Variants in ADAMTS20 observed in about 807,000 individuals in gnomAD.
ADAMTS20 encodes the protein ADAM metallopeptidase with thrombospondin type 1 motif 20, also known as A disintegrin and metalloproteinase with thrombospondin motifs 20.
Under a neutral mutation model 260.1 loss-of-function variants are expected in ADAMTS20, and 225 were observed. The observed-to-expected ratio is 0.87, with a 90% confidence interval of 0.78 to 0.97. The LOEUF (loss-of-function observed/expected upper bound fraction) is 0.97, where lower values mean the gene tolerates loss of function less well. ADAMTS20 is among the 50% of genes least tolerant of loss of function. The pLI, the probability that ADAMTS20 is intolerant of heterozygous loss-of-function variation, is 0.00. For missense variants in ADAMTS20, 2,400 were observed against 2,337.7 expected, an observed-to-expected ratio of 1.03 and a Z score of -0.55; for synonymous variants, 802 against 769.5, an observed-to-expected ratio of 1.04 and a Z score of -0.70.
In ADAMTS20 at chr12:43,432,756, T is replaced by C; in HGVS notation, c.2776A>G (p.Thr926Ala). 1 of 1,613,954 alleles carries C rather than the reference T, an allele frequency of 6.2e-7. No homozygotes were observed. The highest frequency in any genetic ancestry group is 8.5e-7 in the Non-Finnish European group (1 of 1,179,868). ...TACTTCATGCAATGGATGTCCAAGG[T>C]TCTATATCCTTGACCACATTGGGAT... Reference protein sequence around the residue: ...CSSQCGQGYRTLDIHCMKYSI... With the variant: ...CSSQCGQGYRALDIHCMKYSI... The change falls in exon 20 of 39, where the codon ACC (threonine) becomes GCC (alanine). Residue 926 changes from threonine (T) to alanine (A), a missense_variant. Thr to Ala is a moderately conservative substitution (Grantham distance 58). Coordinates refer to ENST00000389420, the MANE Select transcript of ADAMTS20 (RefSeq NM_025003.5).
chr12:43,512,288 T>C (rs1044140168), intron 3 of ADAMTS20, among the ~76,000 whole-genome samples: 4 of 149,442 alleles, frequency 2.7e-5, no homozygotes, highest in Admixed American at 1.3e-4. Context: ...TATTGTAATA[T>C]AACTAATAAA....
At chr12:43,528,471 A>G (rs1943177296) in intron 3 of ADAMTS20, among the ~76,000 whole-genome samples, 1 of 152,064 alleles carries the variant, frequency 6.6e-6, no homozygotes, top group South Asian at 2.1e-4. Context: ...AGGCACATAG[A>G]CCAATGGAAC....
chr12:43,372,882 A>G (rs1291315627), intron 36 of ADAMTS20, among the ~76,000 whole-genome samples: 1 of 152,210 alleles, frequency 6.6e-6, no homozygotes, highest in East Asian at 1.9e-4. Flanking sequence ...TTCTCAGTGA[A>G]ATAGCGAGCA....
intron 3 of ADAMTS20, among the ~76,000 whole-genome samples, chr12:43,525,812 A>T (rs2137491313): frequency 6.6e-6 from 1 of 152,336 alleles, no homozygotes; most frequent in East Asian, 1.9e-4. Flanking sequence ...AAAAGGATCA[A>T]TCTAACAAGA....
chr12:43,448,230 A>G (rs1194576067), intron 14 of ADAMTS20, among the ~76,000 whole-genome samples: 2 of 152,206 alleles, frequency 1.3e-5, no homozygotes, highest in African/African-American at 4.8e-5. Flanking sequence ...ATGCTACCCA[A>G]CTTCAAACTA....
chr12:43,430,254 G>GT, intron 23 of ADAMTS20, 98 bp downstream of exon 23: 1 of 1,406,486 alleles, frequency 7.1e-7, no homozygotes, highest in Non-Finnish European at 9.4e-7. Flanking sequence ...AGGCATACAA[G>GT]TTTAAGTGGA....
intron 24 of ADAMTS20, among the ~76,000 whole-genome samples, chr12:43,429,218 A>G (rs1941393403): frequency 6.6e-6 from 1 of 152,170 alleles, no homozygotes. Flanking sequence ...GCTTAAAAAT[A>G]CATATTCTAC....
At chr12:43,488,680 A>ATTGC (rs544685421) in intron 7 of ADAMTS20, among the ~76,000 whole-genome samples, 6 of 152,280 alleles carry the variant, frequency 3.9e-5, no homozygotes, top group African/African-American at 1.4e-4. Context: ...GCTTATAAGG[A>ATTGC]TTGCTTTAGC....
chr12:43,372,774 C>G (rs1255108206), intron 36 of ADAMTS20, among the ~76,000 whole-genome samples: 1 of 152,090 alleles, frequency 6.6e-6, no homozygotes, highest in Non-Finnish European at 1.5e-5. Flanking sequence ...AAGAGTTCAT[C>G]CAGAGTAAAC....
At chr12:43,464,902 A>C (rs10785434) in intron 9 of ADAMTS20, among the ~76,000 whole-genome samples, 170 bp from the exon 10 acceptor site, 1 of 151,924 alleles carries the variant, frequency 6.6e-6, no homozygotes, top group Non-Finnish European at 1.5e-5. Context: ...TCGTACACAT[A>C]AGGATGACCT....
chr12:43,548,305 T>C (rs531052112), intron 2 of ADAMTS20, among the ~76,000 whole-genome samples: 1 of 152,290 alleles, frequency 6.6e-6, no homozygotes, highest in African/African-American at 2.4e-5. Context: ...AAGTCAGATA[T>C]CAAGTACACA....
intron 36 of ADAMTS20, among the ~76,000 whole-genome samples, chr12:43,374,909 G>A (rs777389020): frequency 2.0e-5 from 3 of 152,136 alleles, no homozygotes; most frequent in Non-Finnish European, 2.9e-5. Context: ...GGTGGCTCAC[G>A]CCTGTAATCC....
At chr12:43,407,141 T>G (rs1424117267) in intron 28 of ADAMTS20, among the ~76,000 whole-genome samples, 1 of 152,004 alleles carries the variant, frequency 6.6e-6, no homozygotes, top group African/African-American at 2.4e-5. Flanking sequence ...TTTAAAAATA[T>G]TTACCACTGA....
At chr12:43,430,575 T>G (rs1385397855) in intron 22 of ADAMTS20, 104 bp from the exon 23 acceptor site, 1 of 1,071,728 alleles carries the variant, frequency 9.3e-7, no homozygotes, top group East Asian at 2.7e-5. Flanking sequence ...TTTAATAATC[T>G]TTTTATCAAT....
At chr12:43,439,053 C>A (rs942144702) in intron 18 of ADAMTS20, among the ~76,000 whole-genome samples, 1 of 152,142 alleles carries the variant, frequency 6.6e-6, no homozygotes, top group African/African-American at 2.4e-5. Context: ...ATTAAATATT[C>A]ATAATTACAG....
Position 43,551,899 on chromosome 12 carries a change from G to T in ADAMTS20, c.23C>A (p.Thr8Asn). 6.2e-7 allele frequency: 1 copy of T among 1,613,694 alleles called. No individual in the cohort carries two copies. Among genetic ancestry groups the T allele is most frequent in the Non-Finnish European group, 8.5e-7 (1 of 1,179,734 alleles). The stretch of plus-strand genomic sequence containing the variant: ...GAGCGAGAGATGGTAGAGCAGCCCA[G>T]TCAGCCACTTGGCCACCCACATGGT... MWVAKWL[T>N]GLLYHLSLFI... The change falls in exon 1 of 39, where the codon ACT (threonine) becomes AAT (asparagine). Residue 8 changes from threonine to asparagine, a missense_variant. Coordinates refer to ENST00000389420, the MANE Select transcript of ADAMTS20 (RefSeq NM_025003.5). This position sits in a 1 kb window ranked among gnomAD's most constrained non-coding sequence, Gnocchi z 4.6.
chr12:43,423,887 A>G, intron 28 of ADAMTS20: 1 of 728,488 alleles, frequency 1.4e-6, no homozygotes, highest in Non-Finnish European at 2.5e-6. Context: ...CCACAAGATG[A>G]TGGTCCTTTG....
chr12:43,401,492 G>A (rs1345630615), intron 28 of ADAMTS20, among the ~76,000 whole-genome samples: 1 of 151,770 alleles, frequency 6.6e-6, no homozygotes, highest in African/African-American at 2.4e-5. Context: ...TTATCTATGA[G>A]TGGAATATAA....
At chr12:43,400,587 C>A (rs1272899264) in intron 28 of ADAMTS20, among the ~76,000 whole-genome samples, 1 of 151,836 alleles carries the variant, frequency 6.6e-6, no homozygotes, top group African/African-American at 2.4e-5. Flanking sequence ...AAGATACATT[C>A]TTTCCTTCTA....
Sources: gnomAD v4.1 joint callset for allele counts (sites outside exome capture counted in the v4.1 genomes callset) on GRCh38, gnomAD v4.1.1 for gene constraint, Gnocchi (gnomAD v3.1) non-coding constraint, MANE v1.5 for transcripts, NCBI Gene and HGNC (gene_info 2026-07-23, HGNC 2026-07-21) for gene names.